SYT16: variants seen among roughly 807,000 people sequenced by gnomAD.
The protein encoded by SYT16 is synaptotagmin 16, also known as synaptotagmin-16.
In SYT16, 42 loss-of-function variants were observed where a neutral mutation model predicts 61.4. The observed-to-expected ratio is 0.68, with a 90% CI of 0.53 to 0.89. The LOEUF (loss-of-function observed/expected upper bound fraction) is 0.89. SYT16 is among the 40% of genes least tolerant of loss of function. SYT16 has a pLI of 0.00. For synonymous variants in SYT16, 314 were observed against 302.3 expected, an observed-to-expected ratio of 1.04 and a Z score of -0.40; for missense variants, 804 against 807.3, an observed-to-expected ratio of 1.00 and a Z score of 0.05.
At chr14:62,016,568 C>T (rs1354713835) in intron 3 of SYT16, among the ~76,000 whole-genome samples, 2 of 150,004 alleles carry the variant, frequency 1.3e-5, no homozygotes, top group Non-Finnish European at 3.0e-5. Flanking sequence ...AAAAAATTAG[C>T]CGGGCGTGGT....
At chr14:61,932,485 G>A (rs567666702) in intron 1 of SYT16, among the ~76,000 whole-genome samples, 3 of 152,298 alleles carry the variant, frequency 2.0e-5, no homozygotes, top group Non-Finnish European at 2.9e-5. Flanking sequence ...GTGAGAGAGA[G>A]CGTGTGAAGG....
chr14:61,923,299 A>G (rs2049411330), intron 1 of SYT16, among the ~76,000 whole-genome samples: 4 of 152,184 alleles, frequency 2.6e-5, no homozygotes, highest in Admixed American at 6.5e-5. Context: ...TCACTTTCTT[A>G]TTATGTAAAA....
intron 1 of SYT16, among the ~76,000 whole-genome samples, chr14:61,826,205 TCACA>T (rs911869522): frequency 2.0e-5 from 3 of 151,964 alleles, no homozygotes; most frequent in African/African-American, 4.9e-5. Context: ...CTCAGGGCAC[TCACA>T]CACAGCCACA....
intron 3 of SYT16, among the ~76,000 whole-genome samples, chr14:62,027,831 G>C (rs1379576366): frequency 6.6e-6 from 1 of 152,128 alleles, no homozygotes; most frequent in African/African-American, 2.4e-5. Context: ...CCTTCCCCAA[G>C]CTGCTTGAAA....
intron 3 of SYT16, among the ~76,000 whole-genome samples, chr14:62,067,528 A>T (rs116052134): frequency 1.1e-3 from 164 of 152,316 alleles, no homozygotes; most frequent in African/African-American, 3.7e-3. Context: ...TGGTATATCA[A>T]GGGTGTGGGA....
chr14:62,055,836 A>G (rs557717477), intron 3 of SYT16, among the ~76,000 whole-genome samples: 37 of 152,318 alleles, frequency 2.4e-4, no homozygotes, highest in African/African-American at 8.7e-4. Flanking sequence ...GTTCTGCAAT[A>G]GGCTATCTGC....
intron 3 of SYT16, among the ~76,000 whole-genome samples, chr14:62,038,686 C>T (rs1415638381): frequency 1.3e-5 from 2 of 152,070 alleles, no homozygotes; most frequent in Non-Finnish European, 2.9e-5. Context: ...GAATGGAACA[C>T]CTGGCATTTG....
chr14:61,906,544 C>T (rs1419500924), intron 1 of SYT16, among the ~76,000 whole-genome samples: 10 of 152,134 alleles, frequency 6.6e-5, no homozygotes, highest in Admixed American at 6.5e-4. Context: ...CTCTTATTTT[C>T]ATGGCCTGAA....
At chr14:61,913,643 C>T (rs1215793380) in intron 1 of SYT16, among the ~76,000 whole-genome samples, 1 of 151,366 alleles carries the variant, frequency 6.6e-6, no homozygotes, top group Non-Finnish European at 1.5e-5. Context: ...ACTGTATTTA[C>T]ACTAGTTTTA....
intron 3 of SYT16, among the ~76,000 whole-genome samples, chr14:62,056,598 A>G (rs1342524349): frequency 6.6e-6 from 1 of 152,212 alleles, no homozygotes. Context: ...CTTTTGCAGA[A>G]ACGCACGTAG....
chr14:62,026,748 CAG>C (rs1469537897), intron 3 of SYT16, among the ~76,000 whole-genome samples: 2 of 152,144 alleles, frequency 1.3e-5, no homozygotes, highest in African/African-American at 4.8e-5. Flanking sequence ...AGAAGGTACT[CAG>C]AGAATATATG....
At chr14:62,041,963 T>C (rs1469152991) in intron 3 of SYT16, among the ~76,000 whole-genome samples, 1 of 152,208 alleles carries the variant, frequency 6.6e-6, no homozygotes, top group Non-Finnish European at 1.5e-5. Context: ...TTAATTTTCA[T>C]CTCTATAAGT....
At chr14:61,890,778 C>T (rs1594842347) in intron 1 of SYT16, among the ~76,000 whole-genome samples, 1 of 152,086 alleles carries the variant, frequency 6.6e-6, no homozygotes, top group East Asian at 1.9e-4. Flanking sequence ...AGTTTCATAG[C>T]TGTGGTTCTG....
chr14:61,843,066 G>A (rs67587627), intron 1 of SYT16, among the ~76,000 whole-genome samples: 24,620 of 150,722 alleles, frequency 0.16, 2,242 homozygotes, highest in African/African-American at 0.26. Context: ...TCTCTTTCAT[G>A]TACTGATATC....
chr14:62,101,118 A>G lies in SYT16; in HGVS notation c.*411A>G, dbSNP rs1407700144. On this transcript the variant is annotated 3_prime_UTR_variant, in exon 8 of 8. Transcript: ENST00000683842. The stretch of plus-strand genomic sequence containing the variant: ...GTGGATGAATCAGAATTTTCTTAAT[A>G]TGGTACAAAAAACTCCAAAATATAG... 2 of 158,116 alleles carry G rather than the reference A, an allele frequency of 1.3e-5. No individual in the cohort carries two copies. Among genetic ancestry groups the G allele is most frequent in the Admixed American group, 6.2e-5 (1 of 16,034 alleles). 9.8% of individuals were successfully genotyped at this position (158,116 alleles called of 1,614,324 possible). A position where few individuals can be genotyped will look rare whatever the true frequency, so the allele number is the denominator to read the frequency against.
intron 7 of SYT16, among the ~76,000 whole-genome samples, chr14:62,091,119 G>A (rs1335620049): frequency 1.3e-5 from 2 of 152,122 alleles, no homozygotes; most frequent in Non-Finnish European, 2.9e-5. Context: ...CAATAAAGAT[G>A]TTAAAAAACC....
intron 1 of SYT16, among the ~76,000 whole-genome samples, chr14:61,938,407 T>C (rs770074078): frequency 6.6e-6 from 1 of 151,820 alleles, no homozygotes; most frequent in Non-Finnish European, 1.5e-5. Context: ...GGGAGTGCCA[T>C]ACAGTTCACC....
intron 3 of SYT16, among the ~76,000 whole-genome samples, chr14:62,013,722 T>C (rs376525166): frequency 1.1e-4 from 17 of 152,260 alleles, no homozygotes; most frequent in East Asian, 9.7e-4. Context: ...TCCCAGAACG[T>C]TGGGAGACCG....
At chr14:61,895,672 G>C (rs893240198) in intron 1 of SYT16, among the ~76,000 whole-genome samples, 1 of 152,114 alleles carries the variant, frequency 6.6e-6, no homozygotes, top group Admixed American at 6.5e-5. Flanking sequence ...CCACACCACT[G>C]ATGCTGCTGC....
Sources: gnomAD v4.1 joint callset for allele counts (sites outside exome capture counted in the v4.1 genomes callset) on GRCh38, gnomAD v4.1.1 for gene constraint, MANE v1.5 for transcripts, NCBI Gene and HGNC (gene_info 2026-07-23, HGNC 2026-07-21) for gene names.